The following HDAC11 variants were observed in gnomAD, a reference collection of about 807,000 sequenced individuals.
The protein encoded by HDAC11 is histone deacetylase 11.
In HDAC11, 23 loss-of-function variants were observed where a neutral mutation model predicts 41.1. The ratio of observed to expected loss-of-function variants is 0.56; its 90% CI spans 0.40 to 0.79. The LOEUF is 0.79. HDAC11 is among the 30% of genes least tolerant of loss of function. The pLI, the probability that HDAC11 is intolerant of heterozygous loss-of-function variation, is 0.00. For missense variants in HDAC11, 402 were observed against 477.3 expected, an observed-to-expected ratio of 0.84 and a Z score of 1.47; for synonymous variants, 187 against 186.6, an observed-to-expected ratio of 1.00 and a Z score of -0.02.
intron 3 of HDAC11, among the ~76,000 whole-genome samples, chr3:13,496,373 G>T (rs907679477): frequency 1.3e-5 from 2 of 152,166 alleles, no homozygotes; most frequent in African/African-American, 2.4e-5. Flanking sequence ...TACAGTGGGT[G>T]GTCTAGACTA....
At chr3:13,500,590 C>CCGAG in intron 5 of HDAC11, 123 bp from the exon 6 acceptor site, 1 of 781,714 alleles carries the variant, frequency 1.3e-6, no homozygotes, top group Non-Finnish European at 2.1e-6. Context: ...AACCCAGAGT[C>CCGAG]CGAGGCACAG....
intron 1 of HDAC11, 81 bp from the exon 2 acceptor site, chr3:13,481,165 G>A: frequency 1.4e-6 from 2 of 1,457,082 alleles, no homozygotes. Context: ...TGGCTGGTGG[G>A]TCAGTCCAGG....
chr3:13,496,863 T>TGGGGGGGG lies in HDAC11; in HGVS notation c.369+18_369+19insGGGGGGGG. The TGGGGGGGG allele has an allele frequency of 1.9e-6, 2 of 1,080,054 alleles. No individual in the cohort carries two copies. The highest frequency in any genetic ancestry group is 3.0e-5 in the East Asian group (1 of 33,140). 66.9% of individuals were successfully genotyped at this position (1,080,054 alleles called of 1,614,324 possible). ...GGAGGAACCATAATGGTAGGTGGGG[T>TGGGGGGGG]GGGGGGGCATGGCTGGGCTGGGGGC... On this transcript the variant is annotated intron_variant, in intron 4 of 9. Coordinates refer to ENST00000295757, the MANE Select transcript of HDAC11 (RefSeq NM_024827.4).
In HDAC11 at chr3:13,500,748, G is replaced by A. The variant is rs1441845949; in HGVS notation, c.448G>A (p.Gly150Arg). The A allele has an allele frequency of 3.1e-6, 5 of 1,591,530 alleles. No homozygotes were observed. Among genetic ancestry groups the A allele is most frequent in the East Asian group, 2.3e-5 (1 of 44,192 alleles). ...GFHHCSSDRG[G>R]GFCAYADITL... ...CCACCACTGCTCCAGCGACCGTGGC[G>A]GGGGCTTCTGTGCCTATGCGGACAT... Residue 150 changes from glycine to arginine, a missense_variant, in exon 6 of 10, where the codon GGG becomes AGG. Coordinates refer to ENST00000295757, the MANE Select transcript of HDAC11 (RefSeq NM_024827.4).
At chr3:13,486,042 C>G (rs530210870) in intron 3 of HDAC11, among the ~76,000 whole-genome samples, 1 of 151,728 alleles carries the variant, frequency 6.6e-6, no homozygotes, top group African/African-American at 2.4e-5. Context: ...ACGAGGCGGG[C>G]GGATCACTTG....
rs1486849535 is a variant in HDAC11, at chr3:13,485,772, G to GCACCACTGCACTCC, written c.252+2208_252+2209insCACCACTGCACTCC. The stretch of plus-strand genomic sequence containing the variant: ...TGCACTCCAGCTGGTATGACAGAGT[G>GCACCACTGCACTCC]AGACTGTCTCTTAAAAAAAATAATA... On this transcript the variant is annotated intron_variant, in intron 3 of 9. Coordinates refer to ENST00000295757, the MANE Select transcript of HDAC11 (RefSeq NM_024827.4). Among the ~76,000 whole-genome samples the GCACCACTGCACTCC allele has an allele frequency of 4.6e-3, 693 of 152,164 alleles. 5 individuals carry two copies. Among genetic ancestry groups the GCACCACTGCACTCC allele is most frequent in the African/African-American group, 0.016 (659 of 41,500 alleles).
rs564786134 is a variant in HDAC11 at position 13,485,131 on chromosome 3, C to G, written c.252+1567C>G. On this transcript the variant is annotated intron_variant, in intron 3 of 9. Transcript: ENST00000295757. ...AAGTTGGCCGGGCCTTGGGGAGACC[C>G]CTGGCAGGTCATCCAGTCCAGTCTT... Among the ~76,000 whole-genome samples the G allele has an allele frequency of 8.0e-4, 122 of 152,336 alleles. 3 individuals carry two copies. In the South Asian group the frequency reaches 0.025, roughly 31 times the overall value.
In HDAC11 at chr3:13,484,965, G is replaced by T. The variant is rs575550681; in HGVS notation, c.252+1401G>T. Among the ~76,000 whole-genome samples, 170 of 152,296 alleles carry T rather than the reference G, an allele frequency of 1.1e-3. 1 individual carries two copies. The highest frequency in any genetic ancestry group is 1.9e-3 in the Non-Finnish European group (132 of 68,012). On this transcript the variant is annotated intron_variant, in intron 3 of 9. Coordinates refer to ENST00000295757, the MANE Select transcript of HDAC11 (RefSeq NM_024827.4). ...CTCAGGTTATCTGCCCCAAGAGTGT[G>T]GGAGCCCTGACCCCCAGGCTCCCTG...
At position 13,496,855 on chromosome 3, in the gene HDAC11, A is replaced by C; in HGVS notation, c.369+3A>C. 21 of 910,088 alleles carry C rather than the reference A, an allele frequency of 2.3e-5. No individual in the cohort carries two copies. The highest frequency in any genetic ancestry group is 3.3e-5 in the Non-Finnish European group (20 of 599,966). 56.4% of individuals were successfully genotyped at this position (910,088 alleles called of 1,614,324 possible). On this transcript the variant is annotated splice_donor_region_variant and intron_variant, in intron 4 of 9. Coordinates refer to ENST00000295757, the MANE Select transcript of HDAC11 (RefSeq NM_024827.4). ...CCCAGACAGGAGGAACCATAATGGT[A>C]GGTGGGGTGGGGGGGCATGGCTGGG...
In HDAC11 at chr3:13,500,711, AG is replaced by A. The variant is rs1192877865; in HGVS notation, c.416del. ...GCAGCACCGCTCTCTGCCCTTCCGC[AG>A]GGGGTGGCTTCCACCACTGCTCCAG... On this transcript the variant is annotated splice_acceptor_variant, in intron 5 of 9. Coordinates refer to ENST00000295757, the MANE Select transcript of HDAC11 (RefSeq NM_024827.4). LOFTEE classifies it high-confidence loss of function. The A allele has an allele frequency of 6.3e-6, 10 of 1,589,782 alleles. No individual in the cohort carries two copies. Among genetic ancestry groups the A allele is most frequent in the African/African-American group, 1.3e-5 (1 of 74,744 alleles).
At chr3:13,491,450 CA>C (rs1198506391) in intron 3 of HDAC11, among the ~76,000 whole-genome samples, 1 of 152,056 alleles carries the variant, frequency 6.6e-6, no homozygotes, top group Non-Finnish European at 1.5e-5. Context: ...TTTTGTGCAT[CA>C]ACTGAGAGAT....
chr3:13,481,480 T>C (rs1386318288), intron 2 of HDAC11, 86 bp downstream of exon 2: 18 of 1,478,838 alleles, frequency 1.2e-5, no homozygotes, highest in Non-Finnish European at 1.5e-5. Context: ...AGCCTCAGGC[T>C]CTCTCCCATC....
rs550689345 is a variant in HDAC11, at chr3:13,487,443, A to T, written c.252+3879A>T. On this transcript the variant is annotated intron_variant, in intron 3 of 9. Coordinates refer to ENST00000295757, the MANE Select transcript of HDAC11 (RefSeq NM_024827.4). Reference sequence around the variant, plus strand: ...TGCACTGGTGTGGCCTTTGATACTTAATAAACAGGGCACTGAAGGAGAAGC... The same window carrying T: ...TGCACTGGTGTGGCCTTTGATACTTTATAAACAGGGCACTGAAGGAGAAGC... Among the ~76,000 whole-genome samples, 28 of 152,204 alleles carry T rather than the reference A, an allele frequency of 1.8e-4. No individual in the cohort carries two copies. The South Asian group carries it at 5.8e-3, about 32-fold the overall frequency.
At chr3:13,498,850 C>T (rs1175970334) in intron 5 of HDAC11, among the ~76,000 whole-genome samples, 1 of 151,978 alleles carries the variant, frequency 6.6e-6, no homozygotes, top group Non-Finnish European at 1.5e-5. Flanking sequence ...AGGGAGCTTC[C>T]TCCCTTCCAG....
At chr3:13,492,555 A>T (rs567526113) in intron 3 of HDAC11, among the ~76,000 whole-genome samples, 1 of 151,972 alleles carries the variant, frequency 6.6e-6, no homozygotes, top group Non-Finnish European at 1.5e-5. Flanking sequence ...ATTTTATTTT[A>T]TTTTTTTGAG....
intron 3 of HDAC11, among the ~76,000 whole-genome samples, chr3:13,489,858 C>G (rs926133423): frequency 1.3e-5 from 2 of 152,128 alleles, no homozygotes; most frequent in Non-Finnish European, 2.9e-5. Context: ...ATGTGTGAGC[C>G]ACTGCGCCCA....
chr3:13,492,607 C>A (rs751465565), intron 3 of HDAC11, among the ~76,000 whole-genome samples: 1 of 152,078 alleles, frequency 6.6e-6, no homozygotes, highest in Non-Finnish European at 1.5e-5. Flanking sequence ...TGCAGTGGTG[C>A]GATCTTGGCT....
chr3:13,495,199 TC>T (rs1702041979), intron 3 of HDAC11, among the ~76,000 whole-genome samples: 1 of 152,092 alleles, frequency 6.6e-6, no homozygotes, highest in Admixed American at 6.5e-5. Context: ...TCTCACCCTG[TC>T]CCAGGGAAGC....
chr3:13,500,828 C>T, intron 6 of HDAC11, 39 bp downstream of exon 6: 2 of 1,396,078 alleles, frequency 1.4e-6, no homozygotes, highest in Non-Finnish European at 1.9e-6. Flanking sequence ...CTCCAAGAGC[C>T]CTCCTGGAAT....
Sources: gnomAD v4.1 joint callset for allele counts (sites outside exome capture counted in the v4.1 genomes callset) on GRCh38, gnomAD v4.1.1 for gene constraint, MANE v1.5 for transcripts, NCBI Gene and HGNC (gene_info 2026-07-23, HGNC 2026-07-21) for gene names.